The following RABL3 variants were observed in gnomAD, a reference collection of about 807,000 sequenced individuals.
RABL3 encodes rab-like protein 3.
In RABL3, 31 loss-of-function variants were observed where a neutral mutation model predicts 31.8. The observed-to-expected ratio is 0.97, with a 90% CI of 0.73 to 1.31. RABL3 has a LOEUF of 1.31. RABL3 is among the 40% of genes most tolerant of loss of function. The pLI is 0.00. For synonymous variants in RABL3, 97 were observed against 99.9 expected (o/e 0.97, Z 0.18); for missense variants, 263 against 279.6 (o/e 0.94, Z 0.42).
At chr3:120,694,123 G>A in intron 6 of RABL3, 30 bp downstream of exon 6, 1 of 1,450,252 alleles carries the variant, frequency 6.9e-7, no homozygotes, top group Non-Finnish European at 9.5e-7. Context: ...TATAAATTAA[G>A]TTTAAAAATA....
chr3:120,691,403 A>AAACTGT (rs1386034789), intron 6 of RABL3, among the ~76,000 whole-genome samples: 1 of 152,190 alleles, frequency 6.6e-6, no homozygotes, highest in African/African-American at 2.4e-5. Context: ...CATTCAGTAG[A>AAACTGT]AACTGTACTT....
At chr3:120,710,744 C>T (rs954005305) in intron 2 of RABL3, among the ~76,000 whole-genome samples, 3 of 152,094 alleles carry the variant, frequency 2.0e-5, no homozygotes, top group East Asian at 3.9e-4. Context: ...CAATTCAATT[C>T]TCAGCATACA....
chr3:120,691,424 T>C (rs1187518211), intron 6 of RABL3, among the ~76,000 whole-genome samples: 4 of 152,272 alleles, frequency 2.6e-5, no homozygotes, highest in South Asian at 4.1e-4. Context: ...TGAGTGCCCA[T>C]ACAATGGGCA....
intron 1 of RABL3, among the ~76,000 whole-genome samples, chr3:120,739,202 C>G (rs974021798): frequency 5.3e-5 from 8 of 152,196 alleles, no homozygotes; most frequent in Non-Finnish European, 1.2e-4. Flanking sequence ...AATGGTGAAA[C>G]CCTGTCTCTA....
At chr3:120,720,128 A>G (rs149034815) in intron 2 of RABL3, among the ~76,000 whole-genome samples, 2,676 of 152,340 alleles carry the variant, frequency 0.018, 80 homozygotes, top group African/African-American at 0.061. Context: ...GAGGGTCCTG[A>G]CTGTTAGAAG....
intron 2 of RABL3, among the ~76,000 whole-genome samples, chr3:120,725,758 G>C (rs1708811354): frequency 6.6e-6 from 1 of 152,124 alleles, no homozygotes; most frequent in African/African-American, 2.4e-5. Context: ...GAGAACACAT[G>C]GACACAGGAA....
At chr3:120,711,683 T>C (rs1384970430) in intron 2 of RABL3, among the ~76,000 whole-genome samples, 2 of 152,176 alleles carry the variant, frequency 1.3e-5, no homozygotes, top group Non-Finnish European at 2.9e-5. Flanking sequence ...AATTATGATA[T>C]ATGGCAAGCA....
At chr3:120,729,876 G>C (rs577326571) in intron 2 of RABL3, among the ~76,000 whole-genome samples, 1 of 151,948 alleles carries the variant, frequency 6.6e-6, no homozygotes, top group African/African-American at 2.4e-5. Context: ...AAAATAAAGA[G>C]ATGAGAACCA....
intron 2 of RABL3, chr3:120,710,694 C>G (rs183873977): frequency 1.3e-5 from 2 of 152,258 alleles, no homozygotes; most frequent in Admixed American, 1.3e-4. Flanking sequence ...CTCCCTTATA[C>G]CATCAAATTT....
At chr3:120,706,869 G>C (rs551779395) in intron 3 of RABL3, among the ~76,000 whole-genome samples, 1 of 151,984 alleles carries the variant, frequency 6.6e-6, no homozygotes, top group Admixed American at 6.6e-5. Flanking sequence ...AAAATGTAAC[G>C]AGGCCCAGAA....
rs1708365996 is a variant in RABL3 at position 120,690,354 on chromosome 3, C to T, written c.645+95G>A. 9.4e-6 allele frequency: 8 copies of T among 852,064 alleles called. No individual in the cohort carries two copies. In the East Asian group the frequency reaches 2.0e-4, roughly 21 times the overall value. 52.8% of individuals were successfully genotyped at this position (852,064 alleles called of 1,614,324 possible). A position where few individuals can be genotyped will look rare whatever the true frequency, so the allele number is the denominator to read the frequency against. On this transcript the variant is annotated intron_variant, in intron 7 of 7. Transcript: ENST00000273375. Reference sequence around the variant, plus strand: ...ATCAGTTGCTTGTGCCTATAAAGGGCTTTCCCCAACTTTTTAAAACTACTT... The same window carrying T: ...ATCAGTTGCTTGTGCCTATAAAGGGTTTTCCCCAACTTTTTAAAACTACTT...
At chr3:120,696,461 T>G (rs1365624109) in intron 5 of RABL3, among the ~76,000 whole-genome samples, 1 of 152,128 alleles carries the variant, frequency 6.6e-6, no homozygotes, top group East Asian at 1.9e-4. Context: ...AGCTGTACAC[T>G]GATAAAGGCC....
rs141368384 is a variant in RABL3, at chr3:120,730,771, C to T, written c.63G>A (p.Ser21=). The change falls in exon 2 of 8, where the codon TCG becomes TCA. Residue 21 remains serine, a synonymous_variant. Transcript: ENST00000273375. ...GATTTTGGCATAGGAGATGGACTAA[C>T]GAAGATTTCCCAACACCTGTAAGAG... is the stretch of plus-strand genomic sequence containing the variant. ...VLGDSGVGKS[S]LVHLLCQNQV... The T allele has an allele frequency of 8.0e-5, 129 of 1,612,864 alleles. No individual in the cohort carries two copies. The highest frequency in any genetic ancestry group is 9.8e-5 in the Non-Finnish European group (116 of 1,178,974).
At chr3:120,715,788 A>AGG (rs1383638697) in intron 2 of RABL3, among the ~76,000 whole-genome samples, 1 of 152,034 alleles carries the variant, frequency 6.6e-6, no homozygotes, top group Non-Finnish European at 1.5e-5. Context: ...AGTAGTGATC[A>AGG]GGAGCACAGG....
intron 2 of RABL3, among the ~76,000 whole-genome samples, 181 bp downstream of exon 2, chr3:120,730,515 A>G (rs1405106506): frequency 6.6e-6 from 1 of 152,198 alleles, no homozygotes; most frequent in Non-Finnish European, 1.5e-5. Context: ...TCTCAGTTTT[A>G]AAAAGGTGAA....
At chr3:120,729,231 A>G (rs1166369598) in intron 2 of RABL3, among the ~76,000 whole-genome samples, 2 of 152,198 alleles carry the variant, frequency 1.3e-5, no homozygotes, top group African/African-American at 4.8e-5. Flanking sequence ...GGTCTGTGCT[A>G]CAATCAGATG....
chr3:120,701,433 C>G (rs984982410), intron 4 of RABL3, among the ~76,000 whole-genome samples: 1 of 152,112 alleles, frequency 6.6e-6, no homozygotes, highest in African/African-American at 2.4e-5. Flanking sequence ...ACTGTAGTGT[C>G]AAAATGCAAA....
At chr3:120,692,039 G>C (rs1708385545) in intron 6 of RABL3, among the ~76,000 whole-genome samples, 1 of 152,174 alleles carries the variant, frequency 6.6e-6, no homozygotes, top group African/African-American at 2.4e-5. Flanking sequence ...TTTATCATTA[G>C]TGTACATCTT....
intron 5 of RABL3, among the ~76,000 whole-genome samples, chr3:120,694,937 A>C (rs1708420979): frequency 6.6e-6 from 1 of 150,864 alleles, no homozygotes; most frequent in Admixed American, 6.6e-5. Context: ...AAGGCCTACT[A>C]TCCGCTGGAA....
Sources: allele counts gnomAD v4.1 joint callset (sites outside exome capture counted in the v4.1 genomes callset), GRCh38; gene constraint gnomAD v4.1.1; transcripts MANE v1.5; gene names NCBI Gene and HGNC (gene_info 2026-07-23, HGNC 2026-07-21).